SLCO2A1: variants seen among roughly 807,000 people sequenced by gnomAD.
SLCO2A1 encodes the protein solute carrier organic anion transporter family member 2A1.
SLCO2A1 carries 60 observed loss-of-function variants against 71.7 expected under a neutral mutation model. The ratio of observed to expected loss-of-function variants is 0.84; its 90% CI spans 0.68 to 1.04. The LOEUF is 1.04. Among genes scored for constraint, SLCO2A1 ranks in the 50% least tolerant of loss-of-function variants. The pLI is 0.00. For synonymous variants in SLCO2A1, 308 were observed against 326.7 expected (o/e 0.94, Z 0.62); for missense variants, 745 against 813.4 (o/e 0.92, Z 1.02).
At chr3:134,029,462 G>A (rs1435231362) in intron 1 of SLCO2A1, among the ~76,000 whole-genome samples, 1 of 144,704 alleles carries the variant, frequency 6.9e-6, no homozygotes, top group Admixed American at 7.1e-5. Flanking sequence ...TTAGTCCGAT[G>A]AAGGCGTGTG....
intron 1 of SLCO2A1, among the ~76,000 whole-genome samples, chr3:134,000,383 T>C (rs900092483): frequency 3.3e-5 from 5 of 151,662 alleles, no homozygotes; most frequent in African/African-American, 1.2e-4. Flanking sequence ...TGGGGGTGCA[T>C]ACAGCAAAGG....
At chr3:133,998,389 G>A (rs1304434237) in intron 1 of SLCO2A1, among the ~76,000 whole-genome samples, 2 of 152,160 alleles carry the variant, frequency 1.3e-5, no homozygotes, top group Non-Finnish European at 2.9e-5. Flanking sequence ...TGTGTCTGCC[G>A]CCCATGTCCT....
intron 1 of SLCO2A1, among the ~76,000 whole-genome samples, chr3:134,000,310 G>A (rs959432581): frequency 1.3e-5 from 2 of 152,172 alleles, no homozygotes; most frequent in East Asian, 3.9e-4. Context: ...ACGGGTCTGA[G>A]TGGTCCTCTC....
chr3:133,935,138 G>C (rs577396269), intron 13 of SLCO2A1, among the ~76,000 whole-genome samples: 1 of 152,282 alleles, frequency 6.6e-6, no homozygotes, highest in East Asian at 1.9e-4. Context: ...TCCAAGCAGA[G>C]CCAGAAGGAG....
chr3:134,028,741 G>A (rs1559964076), intron 1 of SLCO2A1, among the ~76,000 whole-genome samples: 1 of 152,102 alleles, frequency 6.6e-6, no homozygotes. Flanking sequence ...TGACCAGAAG[G>A]GGCCTTGATG....
At chr3:133,977,712 G>A (rs2108057296) in intron 2 of SLCO2A1, among the ~76,000 whole-genome samples, 1 of 152,266 alleles carries the variant, frequency 6.6e-6, no homozygotes, top group Admixed American at 6.5e-5. Context: ...TGACGCAAAT[G>A]TCGGAGATTT....
intron 1 of SLCO2A1, among the ~76,000 whole-genome samples, chr3:134,019,401 CATTATT>C (rs1462661035): frequency 6.6e-6 from 1 of 152,102 alleles, no homozygotes; most frequent in African/African-American, 2.4e-5. Flanking sequence ...TTTTAATCAT[CATTATT>C]ATTATTAAAT....
intron 1 of SLCO2A1, among the ~76,000 whole-genome samples, chr3:134,009,028 G>A (rs889076810): frequency 4.5e-4 from 68 of 152,302 alleles, no homozygotes; most frequent in Non-Finnish European, 8.5e-4. Context: ...AATCGGAGAA[G>A]AGCCACTTCC....
In SLCO2A1 at chr3:134,029,815, C is replaced by A. The variant is rs774153488; in HGVS notation, c.-13G>T. 7.1e-7 allele frequency: 1 copy of A among 1,412,044 alleles called. No individual in the cohort carries two copies. The highest frequency in any genetic ancestry group is 1.6e-5 in the South Asian group (1 of 63,636). The allele number at this position is 1,412,044 out of a possible 1,614,324, so 87.5% of individuals were successfully genotyped here. On this transcript the variant is annotated 5_prime_UTR_variant, in exon 1 of 14. Coordinates refer to ENST00000310926, the MANE Select transcript of SLCO2A1 (RefSeq NM_005630.3). ...GCAGGAGCCCCATGGCTGCGGGCGG[C>A]TGGCCGGGCGCGGAGTGGCGCGGGG...
intron 3 of SLCO2A1, among the ~76,000 whole-genome samples, chr3:133,956,270 C>T (rs1346311511): frequency 1.3e-5 from 2 of 152,194 alleles, no homozygotes; most frequent in African/African-American, 4.8e-5. Context: ...GCTCCTCACA[C>T]TGGACTCTGC....
At chr3:133,946,094 G>C (rs1470902459) in intron 9 of SLCO2A1, among the ~76,000 whole-genome samples, 1 of 152,132 alleles carries the variant, frequency 6.6e-6, no homozygotes, top group South Asian at 2.1e-4. Flanking sequence ...AGGCCCAAAG[G>C]CTTCTCGGCT....
chr3:133,949,075 G>A (rs887112398), intron 6 of SLCO2A1, 104 bp from the exon 7 acceptor site: 2 of 959,890 alleles, frequency 2.1e-6, no homozygotes, highest in African/African-American at 3.2e-5. Context: ...GCTGGGTGGA[G>A]GTGAGCCCCC....
intron 9 of SLCO2A1, 25 bp downstream of exon 9, chr3:133,947,231 T>C: frequency 1.3e-6 from 2 of 1,593,216 alleles, no homozygotes; most frequent in Non-Finnish European, 8.6e-7. Context: ...TTAAAGGGGA[T>C]CTCTCTACCC....
chr3:134,015,375 G>A (rs1411916400), intron 1 of SLCO2A1, among the ~76,000 whole-genome samples: 3 of 122,850 alleles, frequency 2.4e-5, no homozygotes, highest in Non-Finnish European at 4.7e-5. Flanking sequence ...CTTAAATGCA[G>A]AATCTAATAA....
At chr3:133,975,140 CT>C (rs1232772312) in intron 2 of SLCO2A1, among the ~76,000 whole-genome samples, 14 of 152,150 alleles carry the variant, frequency 9.2e-5, no homozygotes, top group Non-Finnish European at 1.9e-4. Flanking sequence ...AGCTCTGCCC[CT>C]AAGTGTGTCC....
At chr3:133,952,381 T>G (rs1933766699) in intron 5 of SLCO2A1, among the ~76,000 whole-genome samples, 1 of 152,246 alleles carries the variant, frequency 6.6e-6, no homozygotes. Flanking sequence ...CGTGACTTGT[T>G]TGCAGGGCAG....
intron 2 of SLCO2A1, among the ~76,000 whole-genome samples, chr3:133,975,342 A>G (rs1934418818): frequency 1.3e-5 from 2 of 151,778 alleles, no homozygotes; most frequent in African/African-American, 4.8e-5. Context: ...CTTCTCTCAC[A>G]CTCATATCTA....
At chr3:133,976,641 C>T (rs1934457297) in intron 2 of SLCO2A1, among the ~76,000 whole-genome samples, 1 of 151,402 alleles carries the variant, frequency 6.6e-6, no homozygotes, top group South Asian at 2.1e-4. Flanking sequence ...AGCCTCAAGA[C>T]CTCAGTCTCC....
intron 3 of SLCO2A1, among the ~76,000 whole-genome samples, chr3:133,964,308 T>C (rs1168485973): frequency 6.6e-6 from 1 of 152,188 alleles, no homozygotes; most frequent in Non-Finnish European, 1.5e-5. Context: ...ACAGATATAA[T>C]ACCTGTCTTA....
Sources: gnomAD v4.1 joint callset for allele counts (sites outside exome capture counted in the v4.1 genomes callset) on GRCh38, gnomAD v4.1.1 for gene constraint, MANE v1.5 for transcripts, NCBI Gene and HGNC (gene_info 2026-07-23, HGNC 2026-07-21) for gene names.